Variants in AFG1L observed in about 807,000 individuals in gnomAD.
AFG1L encodes AFG1-like ATPase.
Under a neutral mutation model 62.2 loss-of-function variants are expected in AFG1L, and 53 were observed. The ratio of observed to expected loss-of-function variants is 0.85; its 90% CI spans 0.68 to 1.07. The LOEUF is 1.07. AFG1L is among the 50% of genes least tolerant of loss of function. The probability of loss-of-function intolerance (pLI) is 0.00; values close to 1 mark genes in which losing one functional copy is unlikely to be tolerated. For missense variants in AFG1L, 555 were observed against 590.5 expected, an observed-to-expected ratio of 0.94 and a Z score of 0.62; for synonymous variants, 228 against 210.3, an observed-to-expected ratio of 1.08 and a Z score of -0.73.
chr6:108,388,588 G>GC (rs1381335165), intron 6 of AFG1L, among the ~76,000 whole-genome samples: 3 of 152,034 alleles, frequency 2.0e-5, no homozygotes, highest in Non-Finnish European at 4.4e-5. Flanking sequence ...CTTTGTTCTT[G>GC]TTGGTTTCAA....
At chr6:108,460,269 G>T (rs1422288884) in intron 8 of AFG1L, among the ~76,000 whole-genome samples, 2 of 152,126 alleles carry the variant, frequency 1.3e-5, no homozygotes, top group Non-Finnish European at 1.5e-5. Flanking sequence ...AAAAGAGAGA[G>T]AGATGGATAG....
At chr6:108,444,187 A>C (rs1304593050) in intron 7 of AFG1L, among the ~76,000 whole-genome samples, 3 of 152,192 alleles carry the variant, frequency 2.0e-5, no homozygotes, top group African/African-American at 7.2e-5. Flanking sequence ...AATGAGTTGC[A>C]GGAAGCTTTT....
intron 7 of AFG1L, among the ~76,000 whole-genome samples, chr6:108,428,071 A>C (rs1194821178): frequency 6.6e-6 from 1 of 152,082 alleles, no homozygotes; most frequent in African/African-American, 2.4e-5. Flanking sequence ...CATTGTACCC[A>C]ATATGTAGTT....
At chr6:108,482,686 T>A (rs1255544375) in intron 10 of AFG1L, among the ~76,000 whole-genome samples, 1 of 152,050 alleles carries the variant, frequency 6.6e-6, no homozygotes, top group African/African-American at 2.4e-5. Context: ...TTTTGAGGAG[T>A]ACTAGTTAGG....
rs200272362 is a variant in AFG1L at position 108,324,016 on chromosome 6, T to C, written c.331T>C (p.Tyr111His). The C allele has an allele frequency of 2.5e-6, 4 of 1,613,572 alleles. No homozygotes were observed. The highest frequency in any genetic ancestry group is 3.4e-6 in the Non-Finnish European group (4 of 1,179,520). ...GAAATTACACGAGGACCTTAAAGGA[T>C]ACAATATAGAGGCAGAAGGCCTTTT... is the stretch of plus-strand genomic sequence containing the variant. ...LQKLHEDLKG[Y>H]NIEAEGLFSK... The change falls in exon 2 of 13, where the codon TAC becomes CAC. Residue 111 changes from tyrosine (Y) to histidine (H), a missense_variant. Tyr to His is a moderately conservative substitution (Grantham distance 83). Transcript: ENST00000368977.
chr6:108,433,001 T>C (rs1434165413), intron 7 of AFG1L, among the ~76,000 whole-genome samples: 2 of 152,216 alleles, frequency 1.3e-5, no homozygotes, highest in Non-Finnish European at 2.9e-5. Context: ...ACAATCAACA[T>C]AATCAGGGTA....
At chr6:108,340,025 C>T (rs1778621547) in intron 2 of AFG1L, among the ~76,000 whole-genome samples, 1 of 151,942 alleles carries the variant, frequency 6.6e-6, no homozygotes. Context: ...TAACCATCCC[C>T]ACCTCCCCCT....
At chr6:108,427,517 A>ATTTTTTT (rs34500468) in intron 7 of AFG1L, among the ~76,000 whole-genome samples, 3 of 100,244 alleles carry the variant, frequency 3.0e-5, no homozygotes, top group Non-Finnish European at 1.9e-5. Flanking sequence ...TCAAAATGGA[A>ATTTTTTT]TTTTTTTTTT....
intron 10 of AFG1L, among the ~76,000 whole-genome samples, chr6:108,504,630 A>C (rs1774329183): frequency 6.6e-6 from 1 of 151,968 alleles, no homozygotes; most frequent in Non-Finnish European, 1.5e-5. Context: ...TGCTGTTGGA[A>C]AAATGTCACC....
intron 7 of AFG1L, among the ~76,000 whole-genome samples, chr6:108,435,184 A>G (rs142212184): frequency 6.6e-6 from 1 of 152,312 alleles, no homozygotes; most frequent in African/African-American, 2.4e-5. Context: ...TAGGGACACT[A>G]CACACATAAC....
intron 1 of AFG1L, among the ~76,000 whole-genome samples, chr6:108,297,817 T>G (rs1053400113): frequency 2.8e-5 from 4 of 141,880 alleles, no homozygotes; most frequent in African/African-American, 1.1e-4. Context: ...AGAGATGGCG[T>G]CACTGCACTG....
intron 5 of AFG1L, 71 bp downstream of exon 5, chr6:108,356,891 T>G: frequency 7.8e-7 from 1 of 1,283,616 alleles, no homozygotes; most frequent in South Asian, 1.5e-5. Flanking sequence ...ATTTTGCTCC[T>G]GATTTTATCA....
intron 7 of AFG1L, among the ~76,000 whole-genome samples, chr6:108,422,508 A>AAAAAAAAAAAAAAAAAAAAAAAAAAAAT (rs1770646756): frequency 6.6e-6 from 1 of 150,554 alleles, no homozygotes; most frequent in African/African-American, 2.4e-5. Flanking sequence ...AAGAAGAAGA[A>AAAAAAAAAAAAAAAAAAAAAAAAAAAAT]ATGCTCTATT....
chr6:108,372,999 AT>A (rs1161801591), intron 6 of AFG1L: 1 of 151,382 alleles, frequency 6.6e-6, no homozygotes, highest in Admixed American at 6.6e-5. Context: ...CTCAGCCTAG[AT>A]TTTTATTTTT....
intron 8 of AFG1L, among the ~76,000 whole-genome samples, chr6:108,471,353 C>G (rs991675167): frequency 3.9e-5 from 6 of 151,916 alleles, no homozygotes; most frequent in Non-Finnish European, 7.4e-5. Flanking sequence ...ACCTCTGATG[C>G]AAATATGTTT....
At chr6:108,406,428 A>G (rs1489304259) in intron 7 of AFG1L, among the ~76,000 whole-genome samples, 1 of 148,494 alleles carries the variant, frequency 6.7e-6, no homozygotes, top group African/African-American at 2.5e-5. Flanking sequence ...TCATGTGCTT[A>G]TTTTATTGAT....
chr6:108,477,970 A>G (rs1159763322), intron 10 of AFG1L, among the ~76,000 whole-genome samples: 1 of 152,204 alleles, frequency 6.6e-6, no homozygotes, highest in Non-Finnish European at 1.5e-5. Context: ...TGAGGAAAAC[A>G]AATCCAAATT....
At chr6:108,415,757 T>C (rs1770233355) in intron 7 of AFG1L, among the ~76,000 whole-genome samples, 1 of 152,180 alleles carries the variant, frequency 6.6e-6, no homozygotes, top group South Asian at 2.1e-4. Context: ...TTACACCTTA[T>C]ACAACAATTA....
At chr6:108,505,815 T>C (rs1000994985) in intron 10 of AFG1L, among the ~76,000 whole-genome samples, 4 of 151,962 alleles carry the variant, frequency 2.6e-5, no homozygotes, top group Non-Finnish European at 5.9e-5. Context: ...TAAAGAAATA[T>C]ACAAAATAAA....
Sources: gnomAD v4.1 joint callset for allele counts (sites outside exome capture counted in the v4.1 genomes callset) on GRCh38, gnomAD v4.1.1 for gene constraint, MANE v1.5 for transcripts, NCBI Gene and HGNC (gene_info 2026-07-23, HGNC 2026-07-21) for gene names.